Variants in ZNF311 observed in about 807,000 individuals in gnomAD.
ZNF311 encodes the protein zinc finger protein zfp31.
In ZNF311, 14 loss-of-function variants were observed where a neutral mutation model predicts 22.7. The ratio of observed to expected loss-of-function variants is 0.62; its 90% CI spans 0.41 to 0.96. The LOEUF (loss-of-function observed/expected upper bound fraction) is 0.96. ZNF311 is among the 40% of genes least tolerant of loss of function. The pLI, the probability that ZNF311 is intolerant of heterozygous loss-of-function variation, is 0.00. For missense variants in ZNF311, 731 were observed against 799.0 expected, an observed-to-expected ratio of 0.91 and a Z score of 1.03; for synonymous variants, 250 against 275.3, an observed-to-expected ratio of 0.91 and a Z score of 0.91.
At position 28,995,523 on chromosome 6, in the gene ZNF311, A is replaced by C. The variant is rs1779372669; in HGVS notation, c.1479T>G (p.His493Gln). Reference protein sequence around the residue: ...NCKRRAHEREHTGEKPYQCRD... With the variant: ...NCKRRAHEREQTGEKPYQCRD... Reference sequence around the variant, plus strand: ...TGCATTGATAGGGCTTCTCCCCTGTATGCTCTCGTTCATGAGCCCTGCGCT... The same window carrying C: ...TGCATTGATAGGGCTTCTCCCCTGTCTGCTCTCGTTCATGAGCCCTGCGCT... Residue 493 changes from histidine (H) to glutamine (Q), a missense_variant, in exon 7 of 7, where the codon CAT becomes CAG. Physicochemically the swap from His to Gln is conservative, Grantham distance 24 (BLOSUM62 0). Transcript: ENST00000377179. The surrounding 1 kb of genome is among the most constrained non-coding windows in gnomAD (Gnocchi z 4.7). 6.2e-7 allele frequency: 1 copy of C among 1,613,026 alleles called. No individual in the cohort carries two copies. The highest frequency in any genetic ancestry group is 1.7e-5 in the Admixed American group (1 of 59,950).
In ZNF311 at chr6:28,998,738, G is replaced by A; in HGVS notation, c.411C>T (p.Tyr137=). 2 of 1,609,618 alleles carry A rather than the reference G, an allele frequency of 1.2e-6. No homozygotes were observed. Among genetic ancestry groups the A allele is most frequent in the Non-Finnish European group, 1.7e-6 (2 of 1,177,856 alleles). The stretch of plus-strand genomic sequence containing the variant: ...GAAAGTTTCTCTATTACTCACCTGG[G>A]TAGGAGCAGCTTAGGGACTCCCTGT... ...PQDRESLSCS[Y]PVSADKMWPE... The change falls in exon 6 of 7, where the codon TAC becomes TAT. Residue 137 remains tyrosine (Y), a synonymous_variant. Coordinates refer to ENST00000377179, the MANE Select transcript of ZNF311 (RefSeq NM_001382360.1).
chr6:29,004,071 G>C lies in ZNF311; in HGVS notation c.-117C>G. 1 of 1,607,466 alleles carries C rather than the reference G, an allele frequency of 6.2e-7. No individual in the cohort carries two copies. The highest frequency in any genetic ancestry group is 8.5e-7 in the Non-Finnish European group (1 of 1,177,184). ...CTCCAGTTGATGCCAGCCTCCTTTG[G>C]AGAACACATGTTTTGGTGGTGCCAG... is the stretch of plus-strand genomic sequence containing the variant. On this transcript the variant is annotated 5_prime_UTR_variant, in exon 2 of 7. Coordinates refer to ENST00000377179, the MANE Select transcript of ZNF311 (RefSeq NM_001382360.1).
intron 4 of ZNF311, 141 bp from the exon 5 acceptor site, chr6:28,999,754 G>T: frequency 7.5e-7 from 1 of 1,332,484 alleles, no homozygotes; most frequent in Non-Finnish European, 1.0e-6. Context: ...CAAATGAGAT[G>T]AAAGGGAGCA....
chr6:28,996,665 A>T, intron 6 of ZNF311, 79 bp from the exon 7 acceptor site: 1 of 1,469,034 alleles, frequency 6.8e-7, no homozygotes, highest in Non-Finnish European at 9.0e-7. Flanking sequence ...AGCTGTTTGA[A>T]GAGTAAATAA....
In ZNF311 at chr6:28,995,793, G is replaced by C. The variant is rs761065852; in HGVS notation, c.1209C>G (p.Thr403=). The change falls in exon 7 of 7, where the codon ACC becomes ACG. Residue 403 remains threonine, a synonymous_variant. Transcript: ENST00000377179. This position sits in a 1 kb window ranked among gnomAD's most constrained non-coding sequence, Gnocchi z 4.7. ...GKAFSGSSDL[T]KHIRIHTGER... ...CCCCAGTGTGGATTCTTATGTGTTTGGTGAGGTCTGAACTCCCACTGAAGG... is the reference window on the plus strand; with the variant it reads ...CCCCAGTGTGGATTCTTATGTGTTTCGTGAGGTCTGAACTCCCACTGAAGG... The C allele has an allele frequency of 2.5e-6, 4 of 1,613,722 alleles. No individual in the cohort carries two copies. Among genetic ancestry groups the C allele is most frequent in the Non-Finnish European group, 1.7e-6 (2 of 1,179,944 alleles).
rs762907833 is a variant in ZNF311, at chr6:28,996,272, G to C, written c.730C>G (p.Gln244Glu). The C allele has an allele frequency of 3.1e-6, 5 of 1,613,054 alleles. No individual in the cohort carries two copies. Among genetic ancestry groups the C allele is most frequent in the Non-Finnish European group, 4.2e-6 (5 of 1,180,042 alleles). ...HSQCNKVLIA[Q>E]KLHECARCGK... ...CACCTGGCACATTCATGGAGTTTCTGTGCTATAAGAACTTTATTACATTGA... is the reference window on the plus strand; with the variant it reads ...CACCTGGCACATTCATGGAGTTTCTCTGCTATAAGAACTTTATTACATTGA... Residue 244 changes from glutamine to glutamate, a missense_variant, in exon 7 of 7, where the codon CAG becomes GAG. Physicochemically the swap from Gln to Glu is conservative, Grantham distance 29 (BLOSUM62 2). Transcript: ENST00000377179.
Position 28,995,474 on chromosome 6 carries a change from C to G in ZNF311, c.1528G>C (p.Asp510His). Residue 510 changes from aspartate to histidine, a missense_variant, in exon 7 of 7, where the codon GAT becomes CAT. By Grantham distance (81) the Asp-to-His change is moderately conservative. Coordinates refer to ENST00000377179, the MANE Select transcript of ZNF311 (RefSeq NM_001382360.1). This position sits in a 1 kb window ranked among gnomAD's most constrained non-coding sequence, Gnocchi z 4.7. Reference sequence around the variant, plus strand: ...TGATGGATGGTAAGGCAGTGCTTATCTTGGAAGGTTTTCCCACAATCCCTG... The same window carrying G: ...TGATGGATGGTAAGGCAGTGCTTATGTTGGAAGGTTTTCCCACAATCCCTG... The part of the protein sequence containing the change: ...QCRDCGKTFQ[D>H]KHCLTIHQRI... The G allele has an allele frequency of 1.2e-6, 2 of 1,612,962 alleles. No individual in the cohort carries two copies. The highest frequency in any genetic ancestry group is 1.7e-6 in the Non-Finnish European group (2 of 1,179,538).
rs375706355 is a variant in ZNF311 at position 28,995,102 on chromosome 6, G to A, written c.1900C>T (p.His634Tyr). 11 of 1,613,790 alleles carry A rather than the reference G, an allele frequency of 6.8e-6. No individual in the cohort carries two copies. The highest frequency in any genetic ancestry group is 7.6e-6 in the Non-Finnish European group (9 of 1,180,042). Residue 634 changes from histidine to tyrosine, a missense_variant, in exon 7 of 7, where the codon CAT (histidine) becomes TAT (tyrosine). Coordinates refer to ENST00000377179, the MANE Select transcript of ZNF311 (RefSeq NM_001382360.1). The surrounding 1 kb of genome is among the most constrained non-coding windows in gnomAD (Gnocchi z 4.7). ...SNLTGHKKRKHQVWSTHELDG... is the reference protein window; with the variant it reads ...SNLTGHKKRKYQVWSTHELDG... ...AGTTCATGGGTACTCCATACTTGATGTTTTCTTTTCTTATGTCCAGTAAGA... is the reference window on the plus strand; with the variant it reads ...AGTTCATGGGTACTCCATACTTGATATTTTCTTTTCTTATGTCCAGTAAGA...
chr6:28,997,872 G>T (rs184368882), intron 6 of ZNF311, among the ~76,000 whole-genome samples: 1 of 152,274 alleles, frequency 6.6e-6, no homozygotes, highest in Non-Finnish European at 1.5e-5. Flanking sequence ...CCACACTGAA[G>T]TACTTTAATC....
chr6:28,997,689 A>G (rs1779813049), intron 6 of ZNF311, among the ~76,000 whole-genome samples: 1 of 152,220 alleles, frequency 6.6e-6, no homozygotes, highest in African/African-American at 2.4e-5. Context: ...CCAGACAGGA[A>G]GAAAGTAAAG....
chr6:28,999,897 G>A, intron 4 of ZNF311, 59 bp downstream of exon 4: 2 of 1,540,936 alleles, frequency 1.3e-6, no homozygotes, highest in Non-Finnish European at 1.8e-6. Context: ...GTGAAAACAA[G>A]GCCATATTTT....
chr6:29,004,220 T>A lies in ZNF311; in HGVS notation c.-260-6A>T, dbSNP rs1311067139. On this transcript the variant is annotated splice_region_variant and splice_polypyrimidine_tract_variant and intron_variant, in intron 1 of 6. Transcript: ENST00000377179. ...TGATCTCACATCTTGTTTCCCTGCA[T>A]ATTTGGTGAAGGGAAAAGAGGAATG... The A allele has an allele frequency of 1.4e-6, 2 of 1,393,164 alleles. No homozygotes were observed. Among genetic ancestry groups the A allele is most frequent in the African/African-American group, 2.9e-5 (2 of 68,564 alleles). 86.3% of individuals were successfully genotyped at this position (1,393,164 alleles called of 1,614,324 possible). A position where few individuals can be genotyped will look rare whatever the true frequency, so the allele number is the denominator to read the frequency against.
intron 6 of ZNF311, 50 bp from the exon 7 acceptor site, chr6:28,996,636 G>A: frequency 6.5e-7 from 1 of 1,527,150 alleles, no homozygotes. Flanking sequence ...AGTGAGATGG[G>A]AGGCGTGAAG....
Position 29,000,010 on chromosome 6 carries a change from A to G in ZNF311, c.129T>C (p.Asp43=). The G allele has an allele frequency of 6.2e-7, 1 of 1,613,628 alleles. No homozygotes were observed. The highest frequency in any genetic ancestry group is 8.5e-7 in the Non-Finnish European group (1 of 1,179,910). The change falls in exon 4 of 7, where the codon GAT becomes GAC. Residue 43 remains aspartate (D), a synonymous_variant. Transcript: ENST00000377179. ...CTTGCGGCAGGTTTCCTTGGCTTCCATCTTTAGTGAAGGCAGGATATGGAG... is the reference window on the plus strand; with the variant it reads ...CTTGCGGCAGGTTTCCTTGGCTTCCGTCTTTAGTGAAGGCAGGATATGGAG... ...LPAPYPAFTK[D]GSQGNLPQAD...
chr6:28,999,507 T>C lies in ZNF311; in HGVS notation c.290A>G (p.Tyr97Cys), dbSNP rs762331387. The C allele has an allele frequency of 1.2e-6, 2 of 1,611,190 alleles. No homozygotes were observed. The highest frequency in any genetic ancestry group is 1.7e-6 in the Non-Finnish European group (2 of 1,179,192). The change falls in exon 5 of 7, where the codon TAT (tyrosine) becomes TGT (cysteine). Residue 97 changes from tyrosine to cysteine, a missense_variant. Physicochemically the swap from Tyr to Cys is radical, Grantham distance 194. Transcript: ENST00000377179. ...CTTACCAAGTGATACCATGTTCCCATAATTTTCCAACATCACATCCTTATA... is the reference window on the plus strand; with the variant it reads ...CTTACCAAGTGATACCATGTTCCCACAATTTTCCAACATCACATCCTTATA... Reference protein sequence around the residue: ...HLYKDVMLENYGNMVSLGFPF... With the variant: ...HLYKDVMLENCGNMVSLGFPF...
At position 28,994,853 on chromosome 6, in the gene ZNF311, G is replaced by GA. The variant is rs1349926718; in HGVS notation, c.*147dup. 2.2e-6 allele frequency: 2 copies of GA among 910,288 alleles called. No homozygotes were observed. Among genetic ancestry groups the GA allele is most frequent in the Admixed American group, 3.0e-5 (1 of 33,516 alleles). The allele number at this position is 910,288 out of a possible 1,614,324, so 56.4% of individuals were successfully genotyped here. On this transcript the variant is annotated 3_prime_UTR_variant, in exon 7 of 7. Transcript: ENST00000377179. The stretch of plus-strand genomic sequence containing the variant: ...ACTCTTGGAAGTAAATGTGCTCACT[G>GA]AAAAAATAGTGAATAAGAAGGTAAA...
In ZNF311 at chr6:28,995,699, G is replaced by A. The variant is rs376683827; in HGVS notation, c.1303C>T (p.Arg435Ter). The A allele has an allele frequency of 6.2e-6, 10 of 1,613,466 alleles. No individual in the cohort carries two copies. Among genetic ancestry groups the A allele is most frequent in the East Asian group, 2.2e-5 (1 of 44,856 alleles). The change falls in exon 7 of 7, where the codon CGA becomes TGA. Residue 435 changes from arginine to a stop codon, truncating the protein, a stop_gained. Coordinates refer to ENST00000377179, the MANE Select transcript of ZNF311 (RefSeq NM_001382360.1). LOFTEE classifies it low-confidence loss of function (END_TRUNC). The surrounding 1 kb of genome is among the most constrained non-coding windows in gnomAD (Gnocchi z 4.7). ...SRSSDLSKHK[R>*]IHTREKHYGC... The stretch of plus-strand genomic sequence containing the variant: ...TAGTGTTTCTCCCGAGTATGGATTC[G>A]TTTGTGTTTGCTTAGGTCTGAGCTC...
intron 3 of ZNF311, among the ~76,000 whole-genome samples, chr6:29,002,356 A>C (rs892508099): frequency 2.0e-5 from 3 of 152,170 alleles, no homozygotes; most frequent in Non-Finnish European, 4.4e-5. Flanking sequence ...TTTTATTTCT[A>C]AATCTATAAA....
chr6:29,004,194 G>A lies in ZNF311; in HGVS notation c.-240C>T. On this transcript the variant is annotated 5_prime_UTR_variant, in exon 2 of 7. Coordinates refer to ENST00000377179, the MANE Select transcript of ZNF311 (RefSeq NM_001382360.1). ...GGTTCATTAGCAACACTAAACCGCT[G>A]TGATCTCACATCTTGTTTCCCTGCA... 7.0e-7 allele frequency: 1 copy of A among 1,424,234 alleles called. No individual in the cohort carries two copies. The highest frequency in any genetic ancestry group is 2.5e-5 in the East Asian group (1 of 39,266). 88.2% of individuals were successfully genotyped at this position (1,424,234 alleles called of 1,614,324 possible). A position where few individuals can be genotyped will look rare whatever the true frequency, so the allele number is the denominator to read the frequency against.
Sources: gnomAD v4.1 joint callset for allele counts (sites outside exome capture counted in the v4.1 genomes callset) on GRCh38, gnomAD v4.1.1 for gene constraint, Gnocchi (gnomAD v3.1) non-coding constraint, MANE v1.5 for transcripts, NCBI Gene and HGNC (gene_info 2026-07-23, HGNC 2026-07-21) for gene names.